The following MIPEP variants were observed in gnomAD, a reference collection of about 807,000 sequenced individuals.
The protein encoded by MIPEP is mitochondrial intermediate peptidase.
MIPEP carries 79 observed loss-of-function variants against 90.3 expected under a neutral mutation model. That is an observed-to-expected ratio of 0.87 (90% CI 0.73 to 1.05). The LOEUF (loss-of-function observed/expected upper bound fraction) is 1.05, where lower values mean the gene tolerates loss of function less well. Among genes scored for constraint, MIPEP ranks in the 50% least tolerant of loss-of-function variants. MIPEP has a pLI of 0.00. For missense variants in MIPEP, 940 were observed against 905.6 expected (o/e 1.04, Z -0.49); for synonymous variants, 334 against 315.8 (o/e 1.06, Z -0.61).
intron 11 of MIPEP, among the ~76,000 whole-genome samples, chr13:23,840,468 G>A (rs12875860): frequency 0.37 from 55,708 of 151,944 alleles, 10,999 homozygotes; most frequent in Admixed American, 0.5. Flanking sequence ...TTCATCACCC[G>A]CATTTTGTCC....
At position 23,869,434 on chromosome 13, in the gene MIPEP, A is replaced by C. The variant is rs1870686645; in HGVS notation, c.801T>G (p.Ala267=). The C allele has an allele frequency of 6.2e-7, 1 of 1,606,786 alleles. No homozygotes were observed. The highest frequency in any genetic ancestry group is 8.5e-7 in the Non-Finnish European group (1 of 1,178,184). The change falls in exon 7 of 19, where the codon GCT becomes GCG. Residue 267 remains alanine (A), a synonymous_variant. Transcript: ENST00000382172. The stretch of plus-strand genomic sequence containing the variant: ...CATTGGGATAAAGAAAAATTTTATA[A>C]GCAGCTTCTCGCACCTACGTTTAAA... ...ESPDDLVREA[A]YKIFLYPNAG...
intron 6 of MIPEP, 70 bp from the exon 7 acceptor site, chr13:23,869,518 C>T (rs889982551): frequency 1.3e-5 from 17 of 1,342,012 alleles, no homozygotes; most frequent in Non-Finnish European, 1.4e-5. Flanking sequence ...ATAACACAGG[C>T]TCATGCTCAC....
intron 16 of MIPEP, among the ~76,000 whole-genome samples, chr13:23,782,698 T>C (rs892722295): frequency 7.2e-5 from 11 of 151,984 alleles, no homozygotes; most frequent in African/African-American, 2.7e-4. Flanking sequence ...ACAAAATTGA[T>C]AGACCAGTAG....
At chr13:23,790,811 T>G (rs1334529144) in intron 16 of MIPEP, among the ~76,000 whole-genome samples, 1 of 152,212 alleles carries the variant, frequency 6.6e-6, no homozygotes, top group Non-Finnish European at 1.5e-5. Context: ...AGCCACCAAG[T>G]TTGTGGTAAT....
intron 5 of MIPEP, among the ~76,000 whole-genome samples, 190 bp downstream of exon 5, chr13:23,874,656 T>C (rs910771211): frequency 2.0e-5 from 3 of 152,222 alleles, no homozygotes; most frequent in African/African-American, 4.8e-5. Context: ...TATCATGGTG[T>C]GATAGGTCAA....
intron 10 of MIPEP, among the ~76,000 whole-genome samples, chr13:23,843,866 A>AT (rs1204964733): frequency 5.3e-5 from 8 of 152,234 alleles, no homozygotes; most frequent in Non-Finnish European, 1.2e-4. Context: ...ACAATCTAGA[A>AT]TAACACTCAG....
intron 14 of MIPEP, among the ~76,000 whole-genome samples, chr13:23,824,026 A>C (rs183839845): frequency 6.6e-6 from 1 of 152,240 alleles, no homozygotes. Flanking sequence ...TTGACCACGC[A>C]TAGGAACAAA....
At chr13:23,810,854 C>T (rs952080211) in intron 14 of MIPEP, among the ~76,000 whole-genome samples, 5 of 152,198 alleles carry the variant, frequency 3.3e-5, no homozygotes, top group Admixed American at 1.3e-4. Context: ...TGCTAGGAAA[C>T]GGCTTCTTAA....
At chr13:23,887,735 G>C in intron 1 of MIPEP, among the ~76,000 whole-genome samples, 1 of 152,200 alleles carries the variant, frequency 6.6e-6, no homozygotes, top group Non-Finnish European at 1.5e-5. Context: ...TAGATTTTCA[G>C]AAATACGAAC....
chr13:23,821,657 G>C (rs73450247), intron 14 of MIPEP, among the ~76,000 whole-genome samples: 2,402 of 152,264 alleles, frequency 0.016, 88 homozygotes, highest in African/African-American at 0.055. Flanking sequence ...AGTATCTGAG[G>C]GGGGTTGGTT....
At chr13:23,750,872 ACTGGGAGCT>A (rs1168471035) in intron 18 of MIPEP, among the ~76,000 whole-genome samples, 2 of 152,216 alleles carry the variant, frequency 1.3e-5, no homozygotes, top group Admixed American at 1.3e-4. Flanking sequence ...AGGTTGGGGC[ACTGGGAGCT>A]CTTTCAGTGG....
At position 23,886,318 on chromosome 13, in the gene MIPEP, G is replaced by C; in HGVS notation, c.363+15C>G. 1 of 1,465,574 alleles carries C rather than the reference G, an allele frequency of 6.8e-7. No homozygotes were observed. The highest frequency in any genetic ancestry group is 9.1e-7 in the Non-Finnish European group (1 of 1,102,662). 90.8% of individuals were successfully genotyped at this position (1,465,574 alleles called of 1,614,324 possible). Reference sequence around the variant, plus strand: ...GAAAGAGAGGTAGCTTCAAGTCTGAGGTAAAGCACCTTACCAAGTCGGCCA... The same window carrying C: ...GAAAGAGAGGTAGCTTCAAGTCTGACGTAAAGCACCTTACCAAGTCGGCCA... On this transcript the variant is annotated intron_variant, in intron 2 of 18. Coordinates refer to ENST00000382172, the MANE Select transcript of MIPEP (RefSeq NM_005932.4).
intron 2 of MIPEP, among the ~76,000 whole-genome samples, chr13:23,883,536 C>A (rs933783766): frequency 5.9e-5 from 9 of 152,120 alleles, no homozygotes; most frequent in Non-Finnish European, 1.0e-4. Flanking sequence ...ACACAGCACA[C>A]CCCATACATC....
intron 18 of MIPEP, among the ~76,000 whole-genome samples, chr13:23,750,835 G>C (rs535795413): frequency 2.6e-5 from 4 of 152,220 alleles, no homozygotes; most frequent in Non-Finnish European, 5.9e-5. Flanking sequence ...CCAAGACTGT[G>C]ATTTATTTGG....
At chr13:23,750,814 T>C (rs1321615347) in intron 18 of MIPEP, among the ~76,000 whole-genome samples, 3 of 152,256 alleles carry the variant, frequency 2.0e-5, no homozygotes, top group Non-Finnish European at 4.4e-5. Flanking sequence ...TTTAATACTT[T>C]GTATCACATC....
chr13:23,757,946 T>C (rs1644559597), intron 17 of MIPEP, among the ~76,000 whole-genome samples: 1 of 152,240 alleles, frequency 6.6e-6, no homozygotes, highest in Non-Finnish European at 1.5e-5. Context: ...ATTTTGATAT[T>C]GTTTCCATTT....
intron 14 of MIPEP, among the ~76,000 whole-genome samples, chr13:23,826,983 A>G (rs1868483108): frequency 6.6e-6 from 1 of 152,242 alleles, no homozygotes; most frequent in Admixed American, 6.5e-5. Context: ...TACAGCATCT[A>G]TATAGCGTTT....
intron 14 of MIPEP, among the ~76,000 whole-genome samples, chr13:23,824,492 T>C (rs983341506): frequency 2.6e-5 from 4 of 152,206 alleles, no homozygotes; most frequent in Non-Finnish European, 4.4e-5. Context: ...AGAAAACTTG[T>C]TGAAACATAG....
chr13:23,828,225 C>G (rs1868558232), intron 14 of MIPEP, among the ~76,000 whole-genome samples: 1 of 152,204 alleles, frequency 6.6e-6, no homozygotes, highest in Non-Finnish European at 1.5e-5. Context: ...TAACAAACAT[C>G]TTTCTTTACG....
Sources: allele counts gnomAD v4.1 joint callset (sites outside exome capture counted in the v4.1 genomes callset), GRCh38; gene constraint gnomAD v4.1.1; transcripts MANE v1.5; gene names NCBI Gene and HGNC (gene_info 2026-07-23, HGNC 2026-07-21).